The following PHTF2 variants were observed in gnomAD, a reference collection of about 807,000 sequenced individuals.
PHTF2 encodes protein PHTF2.
A neutral mutation model predicts 101.2 loss-of-function variants in PHTF2; 60 were observed. The observed-to-expected ratio is 0.59, with a 90% confidence interval of 0.48 to 0.73. PHTF2 has a LOEUF of 0.73. Among genes scored for constraint, PHTF2 ranks in the 30% least tolerant of loss-of-function variants. The pLI is 0.00. For missense variants in PHTF2, 747 were observed against 908.7 expected, an observed-to-expected ratio of 0.82 and a Z score of 2.29; for synonymous variants, 311 against 307.3, an observed-to-expected ratio of 1.01 and a Z score of -0.13.
At chr7:77,817,403 T>A (rs1793933426) in intron 1 of PHTF2, among the ~76,000 whole-genome samples, 1 of 152,190 alleles carries the variant, frequency 6.6e-6, no homozygotes, top group South Asian at 2.1e-4. Context: ...TGACTCACAG[T>A]TGAGCATGGC....
chr7:77,806,601 G>A (rs1033415383), intron 1 of PHTF2, among the ~76,000 whole-genome samples: 1 of 151,954 alleles, frequency 6.6e-6, no homozygotes, highest in Admixed American at 6.6e-5. Context: ...TTTGGGTCTT[G>A]GGTCTTGCTT....
At chr7:77,932,621 A>AGAGAGAGAGAGTGTGT (rs759880633) in intron 12 of PHTF2, among the ~76,000 whole-genome samples, 1 of 118,476 alleles carries the variant, frequency 8.4e-6, no homozygotes, top group African/African-American at 3.5e-5. Context: ...AGAGAGAGAG[A>AGAGAGAGAGAGTGTGT]GTGTGTGTGT....
intron 3 of PHTF2, among the ~76,000 whole-genome samples, chr7:77,868,664 T>C (rs116999043): frequency 0.022 from 3,358 of 152,242 alleles, 52 homozygotes; most frequent in Middle Eastern, 0.068. Context: ...TTTCCACAAA[T>C]TGCTATTATT....
chr7:77,880,686 A>T (rs912623898), intron 3 of PHTF2, among the ~76,000 whole-genome samples: 1 of 151,754 alleles, frequency 6.6e-6, no homozygotes, highest in African/African-American at 2.4e-5. Flanking sequence ...GGCTCTCTCC[A>T]CTGTAGCTCT....
chr7:77,880,728 C>T (rs1799339781), intron 3 of PHTF2, among the ~76,000 whole-genome samples: 1 of 152,104 alleles, frequency 6.6e-6, no homozygotes. Flanking sequence ...ATGGTTCTGC[C>T]CCATCTAATG....
chr7:77,813,371 T>C (rs1793598575), intron 1 of PHTF2, among the ~76,000 whole-genome samples: 1 of 152,216 alleles, frequency 6.6e-6, no homozygotes, highest in South Asian at 2.1e-4. Context: ...ATACTACCCG[T>C]AGATTGTATA....
At chr7:77,859,646 C>T (rs1317870455) in intron 3 of PHTF2, among the ~76,000 whole-genome samples, 8 of 151,462 alleles carry the variant, frequency 5.3e-5, no homozygotes, top group African/African-American at 1.7e-4. Context: ...TTACTGCAGC[C>T]GCAACCTCCC....
chr7:77,907,922 GC>G (rs1802018018), intron 7 of PHTF2: 1 of 151,992 alleles, frequency 6.6e-6, no homozygotes, highest in Non-Finnish European at 1.5e-5. Context: ...ACTTCTTTTT[GC>G]TGTAGACTTT....
chr7:77,876,349 C>T (rs530413713), intron 3 of PHTF2, among the ~76,000 whole-genome samples: 1 of 152,288 alleles, frequency 6.6e-6, no homozygotes, highest in South Asian at 2.1e-4. Context: ...TGTACATTTA[C>T]TGACTAGGTC....
intron 1 of PHTF2, among the ~76,000 whole-genome samples, chr7:77,834,331 A>AG (rs1795288332): frequency 6.6e-6 from 1 of 151,842 alleles, no homozygotes; most frequent in Admixed American, 6.6e-5. Flanking sequence ...AAAAAAAAAA[A>AG]AAAATTTTAA....
At chr7:77,950,226 G>A (rs907203009) in intron 17 of PHTF2, among the ~76,000 whole-genome samples, 11 of 151,960 alleles carry the variant, frequency 7.2e-5, no homozygotes, top group Admixed American at 2.6e-4. Context: ...TTTTCCTCCC[G>A]CCACTTTATA....
intron 1 of PHTF2, among the ~76,000 whole-genome samples, chr7:77,837,199 C>T (rs1278223043): frequency 6.6e-6 from 1 of 152,048 alleles, no homozygotes. Flanking sequence ...TATTAAAGGT[C>T]CCCAGTAGGT....
intron 9 of PHTF2, 79 bp downstream of exon 8, chr7:77,910,488 T>C (rs2150868905): frequency 1.1e-6 from 1 of 948,148 alleles, no homozygotes; most frequent in East Asian, 2.6e-5. Flanking sequence ...AGGTAATGAA[T>C]ATTAATTACT....
chr7:77,912,932 A>G (rs1044345609), intron 9 of PHTF2, among the ~76,000 whole-genome samples: 1 of 151,702 alleles, frequency 6.6e-6, no homozygotes, highest in Non-Finnish European at 1.5e-5. Context: ...TGTATTTATA[A>G]GTTGGAAAGG....
At chr7:77,826,071 T>C (rs961572118) in intron 1 of PHTF2, among the ~76,000 whole-genome samples, 12 of 152,160 alleles carry the variant, frequency 7.9e-5, no homozygotes, top group Middle Eastern at 3.2e-3. Flanking sequence ...CCTAGTAGTT[T>C]TTAACTTCAA....
chr7:77,920,538 A>C, intron 10 of PHTF2, 73 bp downstream of exon 9: 1 of 1,105,734 alleles, frequency 9.0e-7, no homozygotes, highest in African/African-American at 1.6e-5. Flanking sequence ...TAGATATAGT[A>C]GTTGCCCTTG....
chr7:77,867,313 T>C (rs540767176), intron 3 of PHTF2, among the ~76,000 whole-genome samples: 4 of 152,104 alleles, frequency 2.6e-5, no homozygotes, highest in Non-Finnish European at 5.9e-5. Context: ...CAAGTGAACG[T>C]AGGGTCGTTT....
chr7:77,859,663 A>G (rs1271596108), intron 3 of PHTF2, among the ~76,000 whole-genome samples: 1 of 151,394 alleles, frequency 6.6e-6, no homozygotes, highest in East Asian at 1.9e-4. Flanking sequence ...TCCCAGGCCT[A>G]AGCGATCTTC....
intron 3 of PHTF2, among the ~76,000 whole-genome samples, chr7:77,892,629 T>C (rs1292164025): frequency 6.6e-6 from 1 of 152,208 alleles, no homozygotes; most frequent in Non-Finnish European, 1.5e-5. Flanking sequence ...GTCACAGTTA[T>C]ATGGTGTTGA....
Sources: allele counts gnomAD v4.1 joint callset (sites outside exome capture counted in the v4.1 genomes callset), GRCh38; gene constraint gnomAD v4.1.1; transcripts MANE v1.5; gene names NCBI Gene and HGNC (gene_info 2026-07-23, HGNC 2026-07-21).